LRRTM3: variants seen among roughly 807,000 people sequenced by gnomAD.
LRRTM3 encodes the protein leucine-rich repeat transmembrane neuronal protein 3.
LRRTM3 carries 24 observed loss-of-function variants against 44.7 expected under a neutral mutation model. The observed-to-expected ratio is 0.54, with a 90% confidence interval of 0.39 to 0.76. LRRTM3 has a LOEUF of 0.76. Ranked by LOEUF, LRRTM3 falls within the 30% of genes least tolerant of loss-of-function variation. LRRTM3 has a pLI of 0.00. For synonymous variants in LRRTM3, 277 were observed against 278.7 expected, an observed-to-expected ratio of 0.99 and a Z score of 0.06; for missense variants, 587 against 702.2, an observed-to-expected ratio of 0.84 and a Z score of 1.85.
intron 2 of LRRTM3, among the ~76,000 whole-genome samples, chr10:66,934,753 T>C (rs1259072534): frequency 6.6e-6 from 1 of 152,168 alleles, no homozygotes; most frequent in Non-Finnish European, 1.5e-5. Flanking sequence ...AAGGGTAAAA[T>C]ATAGTTTTTT....
At chr10:66,986,676 G>C (rs780777619) in intron 2 of LRRTM3, among the ~76,000 whole-genome samples, 9 of 152,048 alleles carry the variant, frequency 5.9e-5, no homozygotes, top group Non-Finnish European at 8.8e-5. Flanking sequence ...ACTATACCTT[G>C]TAAGTCAACT....
chr10:67,087,997 G>A (rs1441874438), intron 2 of LRRTM3, among the ~76,000 whole-genome samples: 1 of 151,878 alleles, frequency 6.6e-6, no homozygotes, highest in East Asian at 1.9e-4. Context: ...AAAGATCTGT[G>A]CAAATAAAGA....
In LRRTM3 at chr10:67,003,035, C is replaced by T. The variant is rs151011546; in HGVS notation, c.1536+74583C>T. 9.9e-3 allele frequency among the ~76,000 whole-genome samples: 1,508 copies of T among 152,100 alleles called. 14 individuals are homozygous for T. The highest frequency in any genetic ancestry group is 0.015 in the Non-Finnish European group (1,039 of 67,966). On this transcript the variant is annotated intron_variant, in intron 2 of 2. Transcript: ENST00000361320. Reference sequence around the variant, plus strand: ...GGTAATTATGATACTATTTATAATGCCATGGTTATGTTCATAGGCCACTAA... The same window carrying T: ...GGTAATTATGATACTATTTATAATGTCATGGTTATGTTCATAGGCCACTAA...
chr10:67,067,709 A>G (rs1443171786), intron 2 of LRRTM3, among the ~76,000 whole-genome samples: 2 of 152,252 alleles, frequency 1.3e-5, no homozygotes, highest in African/African-American at 2.4e-5. Context: ...TGGAAAACAT[A>G]GATTCAGACT....
chr10:66,975,521 T>G (rs1849978857), intron 2 of LRRTM3, among the ~76,000 whole-genome samples: 1 of 152,204 alleles, frequency 6.6e-6, no homozygotes, highest in Admixed American at 6.5e-5. Context: ...TTTGGCTGGA[T>G]ATTGCAAATC....
chr10:67,063,491 C>T (rs1855883747), intron 2 of LRRTM3, among the ~76,000 whole-genome samples: 1 of 152,140 alleles, frequency 6.6e-6, no homozygotes, highest in African/African-American at 2.4e-5. Context: ...TTCACTCCAG[C>T]TGGCACGAAC....
Position 67,011,032 on chromosome 10 carries a change from C to T in LRRTM3, c.1536+82580C>T, listed in dbSNP as rs1463545583. Among the ~76,000 whole-genome samples the T allele has an allele frequency of 2.6e-5, 4 of 152,016 alleles. No homozygotes were observed. The East Asian group carries it at 7.7e-4, about 29-fold the overall frequency. On this transcript the variant is annotated intron_variant, in intron 2 of 2. Coordinates refer to ENST00000361320, the MANE Select transcript of LRRTM3 (RefSeq NM_178011.5). ...TTAAACTGAAATTAAGATTATTTGT[C>T]AACTATGTCAATATAGGCCAGGCGC...
intron 2 of LRRTM3, among the ~76,000 whole-genome samples, chr10:67,052,406 T>C (rs1297717806): frequency 1.3e-5 from 2 of 151,814 alleles, no homozygotes; most frequent in Non-Finnish European, 2.9e-5. Flanking sequence ...TGGGCTTCAC[T>C]AGGCTGTCCC....
chr10:66,997,640 A>G (rs1358987182), intron 2 of LRRTM3, among the ~76,000 whole-genome samples: 1 of 152,170 alleles, frequency 6.6e-6, no homozygotes, highest in Non-Finnish European at 1.5e-5. Flanking sequence ...CATTATTAGG[A>G]CACCATCTCT....
In LRRTM3 at chr10:66,991,084, T is replaced by C. The variant is rs16923903; in HGVS notation, c.1536+62632T>C. 0.023 allele frequency among the ~76,000 whole-genome samples: 3,540 copies of C among 152,200 alleles called. 292 individuals are homozygous for C. In the East Asian group the frequency reaches 0.29, roughly 13 times the overall value. On this transcript the variant is annotated intron_variant, in intron 2 of 2. Coordinates refer to ENST00000361320, the MANE Select transcript of LRRTM3 (RefSeq NM_178011.5). Reference sequence around the variant, plus strand: ...ACGCTGCAGAAGAACCTTCAGAAAATAACCTCTGACCTTGAAGAACAGATG... The same window carrying C: ...ACGCTGCAGAAGAACCTTCAGAAAACAACCTCTGACCTTGAAGAACAGATG...
Position 66,969,552 on chromosome 10 carries a change from C to A in LRRTM3, c.1536+41100C>A, listed in dbSNP as rs1003800561. On this transcript the variant is annotated intron_variant, in intron 2 of 2. Transcript: ENST00000361320. ...ATGCCAAATTGCTGCATCAAAAGGA[C>A]AGATTTAGCATTTTTGATCCATAAC... Among the ~76,000 whole-genome samples the A allele has an allele frequency of 1.9e-4, 29 of 152,060 alleles. 1 individual carries two copies. The highest frequency in any genetic ancestry group is 7.0e-4 in the African/African-American group (29 of 41,398).
At chr10:67,029,532 T>G (rs1398955696) in intron 2 of LRRTM3, among the ~76,000 whole-genome samples, 4 of 152,210 alleles carry the variant, frequency 2.6e-5, no homozygotes, top group Non-Finnish European at 5.9e-5. Context: ...AAACATTATT[T>G]AAGCTATAGC....
At chr10:66,958,381 T>C (rs545839754) in intron 2 of LRRTM3, among the ~76,000 whole-genome samples, 1 of 148,978 alleles carries the variant, frequency 6.7e-6, no homozygotes, top group African/African-American at 2.5e-5. Flanking sequence ...AAGCTATTAA[T>C]AGAAAGCAGA....
At chr10:66,973,914 G>A (rs899108246) in intron 2 of LRRTM3, among the ~76,000 whole-genome samples, 4 of 152,090 alleles carry the variant, frequency 2.6e-5, no homozygotes, top group Admixed American at 6.6e-5. Flanking sequence ...GAACCACCGC[G>A]TCCAGCCTTA....
chr10:67,091,406 G>GGATGC (rs1294676396), intron 2 of LRRTM3, among the ~76,000 whole-genome samples: 1 of 151,564 alleles, frequency 6.6e-6, no homozygotes, highest in Non-Finnish European at 1.5e-5. Flanking sequence ...ATATATTTAA[G>GGATGC]GATGCCAATT....
At chr10:66,930,811 A>G (rs1847341129) in intron 2 of LRRTM3, among the ~76,000 whole-genome samples, 1 of 152,176 alleles carries the variant, frequency 6.6e-6, no homozygotes, top group African/African-American at 2.4e-5. Flanking sequence ...ATAATAATAG[A>G]TAAGAACGAA....
intron 2 of LRRTM3, among the ~76,000 whole-genome samples, chr10:66,945,936 C>T (rs1247425921): frequency 3.3e-5 from 5 of 151,982 alleles, no homozygotes; most frequent in Admixed American, 2.0e-4. Context: ...GTTTGAAGGA[C>T]CCCAAAACAA....
At chr10:67,062,423 C>T (rs1435769924) in intron 2 of LRRTM3, among the ~76,000 whole-genome samples, 1 of 152,164 alleles carries the variant, frequency 6.6e-6, no homozygotes, top group African/African-American at 2.4e-5. Flanking sequence ...CATGCTTTAG[C>T]ATTATCTCTT....
intron 2 of LRRTM3, among the ~76,000 whole-genome samples, chr10:67,023,834 C>A (rs1853182897): frequency 6.6e-6 from 1 of 152,128 alleles, no homozygotes. Context: ...AGGAGTTTTA[C>A]AATTTTGCTA....
Sources: allele counts gnomAD v4.1 joint callset (sites outside exome capture counted in the v4.1 genomes callset), GRCh38; gene constraint gnomAD v4.1.1; transcripts MANE v1.5; gene names NCBI Gene and HGNC (gene_info 2026-07-23, HGNC 2026-07-21).